Variants in PCDH9 observed in about 807,000 individuals in gnomAD.
PCDH9 encodes the protein protocadherin-9.
A neutral mutation model predicts 70.6 loss-of-function variants in PCDH9; 24 were observed. The ratio of observed to expected loss-of-function variants is 0.34; its 90% CI spans 0.25 to 0.48. The LOEUF (loss-of-function observed/expected upper bound fraction) is 0.48. Ranked by LOEUF, PCDH9 falls within the 20% of genes least tolerant of loss-of-function variation. The probability of loss-of-function intolerance (pLI) is 0.99; values close to 1 mark genes in which losing one functional copy is unlikely to be tolerated. For missense variants in PCDH9, 1,281 were observed against 1,503.6 expected, an observed-to-expected ratio of 0.85 and a Z score of 2.45; for synonymous variants, 562 against 558.5, an observed-to-expected ratio of 1.01 and a Z score of -0.09.
chr13:66,464,290 C>T (rs1455029299), intron 4 of PCDH9, among the ~76,000 whole-genome samples: 1 of 151,676 alleles, frequency 6.6e-6, no homozygotes, highest in Non-Finnish European at 1.5e-5. Context: ...TCACCTTCCC[C>T]TCTCAGTGTA....
intron 3 of PCDH9, among the ~76,000 whole-genome samples, chr13:66,648,888 T>A (rs1232419332): frequency 6.6e-6 from 1 of 151,808 alleles, no homozygotes; most frequent in East Asian, 1.9e-4. Context: ...TCTGAAAAAA[T>A]TTTAAAAAAC....
intron 3 of PCDH9, among the ~76,000 whole-genome samples, chr13:66,669,365 T>C (rs2078141259): frequency 6.6e-6 from 1 of 152,210 alleles, no homozygotes; most frequent in Admixed American, 6.5e-5. Context: ...CCAGCCATTG[T>C]GTTTTATGTC....
intron 3 of PCDH9, among the ~76,000 whole-genome samples, chr13:66,768,415 T>C (rs1202541129): frequency 2.6e-5 from 4 of 152,154 alleles, no homozygotes; most frequent in Non-Finnish European, 5.9e-5. Context: ...ATAATGTCAA[T>C]AAATTTAAGG....
chr13:66,510,186 C>A (rs983303003), intron 4 of PCDH9, among the ~76,000 whole-genome samples: 74 of 152,088 alleles, frequency 4.9e-4, no homozygotes, highest in African/African-American at 1.8e-3. Context: ...TCTATATTTT[C>A]TATAAAAGCA....
intron 4 of PCDH9, among the ~76,000 whole-genome samples, chr13:66,595,781 C>T (rs554082786): frequency 1.3e-5 from 2 of 151,300 alleles, no homozygotes; most frequent in African/African-American, 4.8e-5. Context: ...AATATATTAA[C>T]GTATAGGAAT....
intron 3 of PCDH9, among the ~76,000 whole-genome samples, chr13:66,846,136 C>CAA (rs56199120): frequency 0.48 from 64,446 of 133,910 alleles, 15,772 homozygotes; most frequent in South Asian, 0.62. Context: ...AAAAAAAGAC[C>CAA]AAAAAAAAAA....
intron 3 of PCDH9, among the ~76,000 whole-genome samples, chr13:66,855,078 A>G (rs1376641099): frequency 8.5e-5 from 13 of 152,128 alleles, no homozygotes; most frequent in Admixed American, 2.6e-4. Flanking sequence ...AGGTAACACT[A>G]AATTCCCCTT....
At chr13:66,400,246 C>G (rs1957164626) in intron 4 of PCDH9, among the ~76,000 whole-genome samples, 1 of 152,124 alleles carries the variant, frequency 6.6e-6, no homozygotes, top group African/African-American at 2.4e-5. Context: ...CTAAATATAC[C>G]AGTCTGTTAA....
At chr13:66,640,922 C>T (rs1234903582) in intron 3 of PCDH9, among the ~76,000 whole-genome samples, 2 of 151,908 alleles carry the variant, frequency 1.3e-5, no homozygotes, top group Non-Finnish European at 2.9e-5. Flanking sequence ...GTCTCCCAGG[C>T]TGGAGTGTAA....
At chr13:66,968,327 A>G (rs2083463200) in intron 2 of PCDH9, among the ~76,000 whole-genome samples, 1 of 152,040 alleles carries the variant, frequency 6.6e-6, no homozygotes, top group African/African-American at 2.4e-5. Context: ...AGGGCAGACA[A>G]CTATGGGAAT....
chr13:67,102,705 A>G (rs1365965524), intron 2 of PCDH9, among the ~76,000 whole-genome samples: 1 of 152,174 alleles, frequency 6.6e-6, no homozygotes, highest in Non-Finnish European at 1.5e-5. Flanking sequence ...ACATTCTGTA[A>G]AAGAGAGAGA....
chr13:66,964,553 T>A (rs181019801), intron 2 of PCDH9, among the ~76,000 whole-genome samples: 2 of 152,124 alleles, frequency 1.3e-5, no homozygotes, highest in East Asian at 3.9e-4. Context: ...TATGACTCAA[T>A]CTATTTATAT....
intron 2 of PCDH9, among the ~76,000 whole-genome samples, chr13:67,164,869 T>C (rs1434976704): frequency 6.6e-6 from 1 of 152,152 alleles, no homozygotes; most frequent in Non-Finnish European, 1.5e-5. Context: ...CCCTACCCAA[T>C]CACTTGCTAT....
At chr13:67,215,154 TCA>T (rs2089572667) in intron 2 of PCDH9, 1 of 151,280 alleles carries the variant, frequency 6.6e-6, no homozygotes. Context: ...CTCCATTTCT[TCA>T]GTCAGAAAAA....
chr13:66,835,332 AG>A (rs2139417191), intron 3 of PCDH9, among the ~76,000 whole-genome samples: 1 of 152,330 alleles, frequency 6.6e-6, no homozygotes, highest in South Asian at 2.1e-4. Context: ...CTCTTGGCAA[AG>A]CTCCAGCTGT....
At chr13:66,664,218 C>A (rs1163037413) in intron 3 of PCDH9, among the ~76,000 whole-genome samples, 1 of 152,212 alleles carries the variant, frequency 6.6e-6, no homozygotes, top group Non-Finnish European at 1.5e-5. Flanking sequence ...TGCCTACTTA[C>A]ACAATTATGC....
At chr13:66,962,577 A>G (rs985979116) in intron 2 of PCDH9, among the ~76,000 whole-genome samples, 5 of 152,270 alleles carry the variant, frequency 3.3e-5, no homozygotes, top group Non-Finnish European at 5.9e-5. Flanking sequence ...GTGTTACTGT[A>G]GTAAATACTG....
intron 2 of PCDH9, among the ~76,000 whole-genome samples, chr13:67,117,567 A>G (rs1488576440): frequency 6.6e-6 from 1 of 152,188 alleles, no homozygotes; most frequent in African/African-American, 2.4e-5. Flanking sequence ...GAAAAAGAGT[A>G]AAGTATAAAT....
At chr13:66,510,241 C>T (rs1381274287) in intron 4 of PCDH9, among the ~76,000 whole-genome samples, 3 of 151,816 alleles carry the variant, frequency 2.0e-5, no homozygotes, top group East Asian at 1.9e-4. Context: ...TTTAATGTGC[C>T]TCGGTTTAAA....
Sources: gnomAD v4.1 joint callset for allele counts (sites outside exome capture counted in the v4.1 genomes callset) on GRCh38, gnomAD v4.1.1 for gene constraint, MANE v1.5 for transcripts, NCBI Gene and HGNC (gene_info 2026-07-23, HGNC 2026-07-21) for gene names.